Variants in PDE4D observed in about 807,000 individuals in gnomAD.
PDE4D encodes the protein phosphodiesterase 4D.
PDE4D carries 24 observed loss-of-function variants against 87.4 expected under a neutral mutation model. The ratio of observed to expected loss-of-function variants is 0.27; its 90% confidence interval spans 0.20 to 0.39. PDE4D has a LOEUF of 0.39. PDE4D is among the 10% of genes least tolerant of loss of function. The probability of loss-of-function intolerance (pLI) is 1.00; values close to 1 mark genes in which losing one functional copy is unlikely to be tolerated. For synonymous variants in PDE4D, 384 were observed against 383.2 expected, an observed-to-expected ratio of 1.00 and a Z score of -0.02; for missense variants, 714 against 1,041.0, an observed-to-expected ratio of 0.69 and a Z score of 4.32.
chr5:60,060,167 TTCTC>T (rs998193776), intron 2 of PDE4D, among the ~76,000 whole-genome samples: 2 of 151,986 alleles, frequency 1.3e-5, no homozygotes, highest in Admixed American at 6.6e-5. Context: ...CATCACAAAG[TTCTC>T]TCTCTCTTGC....
chr5:59,056,558 C>T (rs868604620), intron 5 of PDE4D, among the ~76,000 whole-genome samples: 8 of 151,986 alleles, frequency 5.3e-5, no homozygotes, highest in African/African-American at 1.7e-4. Context: ...TTTTAAGACC[C>T]GCATGCATTC....
intron 1 of PDE4D, among the ~76,000 whole-genome samples, chr5:59,570,011 A>G (rs1821561029): frequency 6.6e-6 from 1 of 152,248 alleles, no homozygotes; most frequent in African/African-American, 2.4e-5. Context: ...AGACACAAAT[A>G]CTACATTATC....
chr5:59,618,024 A>G (rs1352571148), intron 1 of PDE4D, among the ~76,000 whole-genome samples: 1 of 151,888 alleles, frequency 6.6e-6, no homozygotes, highest in Non-Finnish European at 1.5e-5. Context: ...TTTTTTTACT[A>G]ACAGTTCTGA....
chr5:60,134,366 G>A (rs1488432167), intron 2 of PDE4D, among the ~76,000 whole-genome samples: 1 of 152,080 alleles, frequency 6.6e-6, no homozygotes, highest in Admixed American at 6.6e-5. Context: ...AATGATCCAG[G>A]TGGTGGCCCA....
intron 5 of PDE4D, among the ~76,000 whole-genome samples, chr5:59,115,062 AAAGAGG>A (rs1363348479): frequency 1.3e-5 from 2 of 151,306 alleles, no homozygotes; most frequent in Admixed American, 1.3e-4. Flanking sequence ...TAGGTCAAAG[AAAGAGG>A]GAGAAGGGGC....
At chr5:59,682,738 C>A (rs1297090159) in intron 1 of PDE4D, among the ~76,000 whole-genome samples, 1 of 152,146 alleles carries the variant, frequency 6.6e-6, no homozygotes, top group Admixed American at 6.5e-5. Context: ...CTGCTTAGCA[C>A]AGATCATGGG....
intron 2 of PDE4D, among the ~76,000 whole-genome samples, chr5:59,203,898 A>G (rs1398268257): frequency 6.6e-6 from 1 of 152,166 alleles, no homozygotes; most frequent in Non-Finnish European, 1.5e-5. Context: ...GAAAGGGTAC[A>G]AAGTTTCAGT....
Position 59,593,833 on chromosome 5 carries a change from G to C in PDE4D, c.455+299335C>G, listed in dbSNP as rs1007532081. ...GTAATAGGGAGGTCCCCACAATTCT[G>C]TGTGTTTTACCTCCAGGAGTGCTAC... On this transcript the variant is annotated intron_variant, in intron 1 of 14. Transcript: ENST00000340635. Among the ~76,000 whole-genome samples, 7 of 152,182 alleles carry C rather than the reference G, an allele frequency of 4.6e-5. No homozygotes were observed. The South Asian group carries it at 1.4e-3, about 32-fold the overall frequency.
intron 1 of PDE4D, among the ~76,000 whole-genome samples, chr5:60,465,305 C>T (rs576640129): frequency 6.6e-6 from 1 of 152,234 alleles, no homozygotes; most frequent in East Asian, 1.9e-4. Flanking sequence ...TGCTTTAGAT[C>T]ATTTTCCTAA....
chr5:59,120,599 T>G (rs751740403), intron 5 of PDE4D, among the ~76,000 whole-genome samples: 4 of 152,112 alleles, frequency 2.6e-5, no homozygotes, highest in Non-Finnish European at 4.4e-5. Flanking sequence ...AAAATTATTG[T>G]ACTGCTCAAA....
At chr5:60,384,402 C>G (rs1217258547) in intron 1 of PDE4D, among the ~76,000 whole-genome samples, 1 of 152,192 alleles carries the variant, frequency 6.6e-6, no homozygotes, top group Admixed American at 6.5e-5. Context: ...TGGAGGTAAT[C>G]TCTACTACTT....
chr5:59,629,965 T>A (rs1289096785), intron 1 of PDE4D, among the ~76,000 whole-genome samples: 4 of 152,232 alleles, frequency 2.6e-5, no homozygotes, highest in Non-Finnish European at 4.4e-5. Flanking sequence ...TCTGATTCAA[T>A]GACAATGAAA....
chr5:60,500,325 A>G (rs1039985769), intron 1 of PDE4D, among the ~76,000 whole-genome samples: 5 of 152,116 alleles, frequency 3.3e-5, no homozygotes, highest in South Asian at 2.1e-4. Flanking sequence ...AATAAAAAAG[A>G]AGAAGAAGGA....
At chr5:60,287,437 T>C (rs1752517798) in intron 1 of PDE4D, among the ~76,000 whole-genome samples, 1 of 152,220 alleles carries the variant, frequency 6.6e-6, no homozygotes, top group Non-Finnish European at 1.5e-5. Flanking sequence ...GTGTTTCCTC[T>C]ACTGCGGGAA....
chr5:59,621,710 G>A (rs557338570), intron 1 of PDE4D, among the ~76,000 whole-genome samples: 274 of 152,288 alleles, frequency 1.8e-3, no homozygotes, highest in African/African-American at 6.0e-3. Context: ...ATGTCCCTAG[G>A]AAGCCAGGCT....
At chr5:59,182,499 A>G (rs1251345608) in intron 4 of PDE4D, among the ~76,000 whole-genome samples, 1 of 151,936 alleles carries the variant, frequency 6.6e-6, no homozygotes, top group Non-Finnish European at 1.5e-5. Context: ...CTTCTGGCTA[A>G]GAGTTTATCA....
intron 1 of PDE4D, among the ~76,000 whole-genome samples, chr5:59,760,782 G>T (rs1310042259): frequency 6.6e-6 from 1 of 152,126 alleles, no homozygotes; most frequent in Non-Finnish European, 1.5e-5. Context: ...ATTTCACTAT[G>T]TAGCCTAAAT....
chr5:60,114,319 C>T (rs1777943615), intron 2 of PDE4D, among the ~76,000 whole-genome samples: 1 of 151,998 alleles, frequency 6.6e-6, no homozygotes, highest in South Asian at 2.1e-4. Flanking sequence ...ACATCTGTAT[C>T]GGTACTTAGA....
chr5:60,004,113 T>C lies in PDE4D; in HGVS notation c.43-15396A>G, dbSNP rs116063173. Among the ~76,000 whole-genome samples the C allele has an allele frequency of 2.3e-3, 350 of 152,302 alleles. 2 individuals are homozygous for C. The highest frequency in any genetic ancestry group is 8.2e-3 in the African/African-American group (340 of 41,582). On this transcript the variant is annotated intron_variant, in intron 2 of 16. Transcript: ENST00000502484. ...TTCTTGACACTGGTCTTGGTGATTA[T>C]TATTTTAATATGATACCAAAAGTGT...
Sources: allele counts gnomAD v4.1 joint callset (sites outside exome capture counted in the v4.1 genomes callset), GRCh38; gene constraint gnomAD v4.1.1; transcripts MANE v1.5; gene names NCBI Gene and HGNC (gene_info 2026-07-23, HGNC 2026-07-21).